The following ADGRB1 variants were observed in gnomAD, a reference collection of about 807,000 sequenced individuals.
The protein encoded by ADGRB1 is adhesion G protein-coupled receptor B1.
A neutral mutation model predicts 175.7 loss-of-function variants in ADGRB1; 36 were observed. That is an observed-to-expected ratio of 0.20 (90% confidence interval 0.16 to 0.27). The LOEUF is 0.27. ADGRB1 is among the 10% of genes least tolerant of loss of function. ADGRB1 has a pLI of 1.00. For synonymous variants in ADGRB1, 1,054 were observed against 979.4 expected (o/e 1.08, Z -1.42); for missense variants, 1,731 against 2,255.3 (o/e 0.77, Z 4.71).
chr8:142,479,227 C>T, intron 7 of ADGRB1, 96 bp from the exon 8 acceptor site: 2 of 1,321,388 alleles, frequency 1.5e-6, no homozygotes, highest in African/African-American at 1.5e-5. Flanking sequence ...CCGCATGGCT[C>T]TGTGTGGGTC....
chr8:142,530,490 C>T (rs1469692846), intron 24 of ADGRB1, among the ~76,000 whole-genome samples: 2 of 152,184 alleles, frequency 1.3e-5, no homozygotes, highest in Non-Finnish European at 2.9e-5. Context: ...CTGTACCCTC[C>T]TGCTTTGCTC....
intron 20 of ADGRB1, 28 bp downstream of exon 20, chr8:142,520,953 C>A (rs182863505): frequency 1.3e-6 from 2 of 1,584,590 alleles, no homozygotes; most frequent in Non-Finnish European, 1.7e-6. Context: ...CTGCCATGCA[C>A]TTCCCAACAT....
At chr8:142,469,418 T>A (rs1442338464) in intron 2 of ADGRB1, among the ~76,000 whole-genome samples, 2 of 146,548 alleles carry the variant, frequency 1.4e-5, no homozygotes, top group Non-Finnish European at 3.0e-5. Flanking sequence ...TGAATGTGAG[T>A]GTGTGCACGT....
intron 15 of ADGRB1, 70 bp from the exon 16 acceptor site, chr8:142,489,266 C>G: frequency 6.3e-7 from 1 of 1,586,030 alleles, no homozygotes; most frequent in Non-Finnish European, 8.6e-7. Flanking sequence ...CTCGGGGGCA[C>G]CTGGGGAAGG....
chr8:142,510,324 G>A lies in ADGRB1; in HGVS notation c.2676-608G>A, dbSNP rs559073800. ...CGCGGGGAAGGCTGTGTCTGTCCCA[G>A]GAGATGAGCCGCAGGCACCAGGGGT... is the stretch of plus-strand genomic sequence containing the variant. On this transcript the variant is annotated intron_variant, in intron 17 of 30. Transcript: ENST00000517894. This position sits in a 1 kb window ranked among gnomAD's most constrained non-coding sequence, Gnocchi z 6.3. Among the ~76,000 whole-genome samples, 3 of 152,128 alleles carry A rather than the reference G, an allele frequency of 2.0e-5. No individual in the cohort carries two copies. The highest frequency in any genetic ancestry group is 2.9e-5 in the Non-Finnish European group (2 of 67,928).
intron 7 of ADGRB1, among the ~76,000 whole-genome samples, chr8:142,478,961 G>A (rs1170454276): frequency 1.4e-5 from 2 of 145,856 alleles, no homozygotes; most frequent in Non-Finnish European, 1.5e-5. Flanking sequence ...TGGGGTGTCT[G>A]TGGAGAAGCA....
At chr8:142,461,478 G>A (rs986641896) in intron 1 of ADGRB1, among the ~76,000 whole-genome samples, 4 of 152,206 alleles carry the variant, frequency 2.6e-5, no homozygotes, top group Non-Finnish European at 5.9e-5. Context: ...ATGAGGCTGC[G>A]CTCCCCTTCC....
intron 9 of ADGRB1, 133 bp downstream of exon 9, chr8:142,479,927 G>A: frequency 9.9e-7 from 1 of 1,014,966 alleles, no homozygotes; most frequent in Non-Finnish European, 1.4e-6. Context: ...GCTGGCGCGG[G>A]GTGGTGGGGC....
At chr8:142,526,698 A>T in intron 24 of ADGRB1, 71 bp downstream of exon 24, 2 of 1,437,966 alleles carry the variant, frequency 1.4e-6, no homozygotes, top group Non-Finnish European at 1.9e-6. Context: ...GCCCCGGGGG[A>T]TGGAGAACGC....
chr8:142,451,601 T>C (rs1839354364), intron 1 of ADGRB1, among the ~76,000 whole-genome samples: 2 of 151,792 alleles, frequency 1.3e-5, no homozygotes, highest in South Asian at 4.2e-4. Context: ...GGAGGTCTGC[T>C]CTCCCGCTCC....
At chr8:142,489,608 G>T (rs1304889925) in intron 16 of ADGRB1, among the ~76,000 whole-genome samples, 170 bp downstream of exon 16, 1 of 152,160 alleles carries the variant, frequency 6.6e-6, no homozygotes, top group Non-Finnish European at 1.5e-5. Context: ...GAGAGGTGCG[G>T]TGACTTGCCC....
intron 17 of ADGRB1, among the ~76,000 whole-genome samples, chr8:142,499,970 C>A (rs1295282778): frequency 0.017 from 1 of 60 alleles, no homozygotes; most frequent in Non-Finnish European, 0.036. Flanking sequence ...TTCCTTTGCA[C>A]CCAGATGGCC....
chr8:142,451,042 C>T (rs538697790), intron 1 of ADGRB1, among the ~76,000 whole-genome samples: 1 of 152,266 alleles, frequency 6.6e-6, no homozygotes, highest in Non-Finnish European at 1.5e-5. Context: ...GAGGAACGAG[C>T]ACGGCCCCCG....
chr8:142,473,302 G>A lies in ADGRB1; in HGVS notation c.785-2172G>A, dbSNP rs1279771501. ...GCCACCCTGACCCATTGTCAGGCCC[G>A]CCCCTTAGGACCCCGTCTGTGCCTT... is the stretch of plus-strand genomic sequence containing the variant. On this transcript the variant is annotated intron_variant, in intron 2 of 30. Transcript: ENST00000517894. Among the ~76,000 whole-genome samples the A allele has an allele frequency of 3.9e-5, 6 of 152,264 alleles. No homozygotes were observed. In the South Asian group the frequency reaches 8.3e-4, roughly 21 times the overall value.
At chr8:142,527,849 A>T (rs866977814) in intron 24 of ADGRB1, among the ~76,000 whole-genome samples, 1 of 152,240 alleles carries the variant, frequency 6.6e-6, no homozygotes, top group Non-Finnish European at 1.5e-5. Context: ...TTATAGTCCC[A>T]TCTTAAAGCT....
intron 12 of ADGRB1, 70 bp downstream of exon 12, chr8:142,484,115 T>C: frequency 7.0e-7 from 1 of 1,435,602 alleles, no homozygotes; most frequent in Non-Finnish European, 9.5e-7. Flanking sequence ...CTCCCTGGTC[T>C]CCAGTCGGCC....
Position 142,476,594 on chromosome 8 carries a change from G to A in ADGRB1, c.956G>A (p.Arg319His), listed in dbSNP as rs1020704244. The change falls in exon 4 of 31, where the codon CGC becomes CAC. Residue 319 changes from arginine (R) to histidine (H), a missense_variant. Arg to His is a conservative substitution (Grantham distance 29, BLOSUM62 0). This residue lies in a region of ADGRB1 where 178 missense variants were observed against 227.8 expected (regional missense o/e 0.78). Coordinates refer to ENST00000517894, the MANE Select transcript of ADGRB1 (RefSeq NM_001702.3). ...CNREACGPAG[R>H]TSSRSQSLRS... is the part of the protein sequence containing the mutation. ...TAAGCCCGTCCTGCAGCCGCTGGGC[G>A]CACCAGCTCCCGGAGCCAGTCCCTG... 25 of 1,548,652 alleles carry A rather than the reference G, an allele frequency of 1.6e-5. 1 individual carries two copies. The highest frequency in any genetic ancestry group is 1.7e-5 in the Non-Finnish European group (19 of 1,146,436).
intron 21 of ADGRB1, among the ~76,000 whole-genome samples, chr8:142,522,428 T>C (rs1843904726): frequency 6.6e-6 from 1 of 152,232 alleles, no homozygotes; most frequent in African/African-American, 2.4e-5. Context: ...CCGGGCACCC[T>C]ATGTGTTCTC....
At chr8:142,519,359 G>A (rs771255604) in intron 19 of ADGRB1, among the ~76,000 whole-genome samples, 2 of 152,108 alleles carry the variant, frequency 1.3e-5, no homozygotes, top group African/African-American at 2.4e-5. Context: ...GAGAGAACGT[G>A]ACCTGCCCAA....
Sources: gnomAD v4.1 joint callset for allele counts (sites outside exome capture counted in the v4.1 genomes callset) on GRCh38, gnomAD v4.1.1 for gene constraint, gnomAD v4.1.1 regional missense constraint, Gnocchi (gnomAD v3.1) non-coding constraint, MANE v1.5 for transcripts, NCBI Gene and HGNC (gene_info 2026-07-23, HGNC 2026-07-21) for gene names.